Variants in L3MBTL2 observed in about 807,000 individuals in gnomAD.
L3MBTL2 encodes lethal(3)malignant brain tumor-like protein 2.
Under a neutral mutation model 86.4 loss-of-function variants are expected in L3MBTL2, and 49 were observed. The observed-to-expected ratio is 0.57, with a 90% CI of 0.45 to 0.72. The LOEUF (loss-of-function observed/expected upper bound fraction) is 0.72, where lower values mean the gene tolerates loss of function less well. Among genes scored for constraint, L3MBTL2 ranks in the 30% least tolerant of loss-of-function variants. The pLI is 0.00. For missense variants in L3MBTL2, 755 were observed against 923.7 expected (o/e 0.82, Z 2.37); for synonymous variants, 336 against 350.6 (o/e 0.96, Z 0.47).
At chr22:41,228,014 T>C in intron 15 of L3MBTL2, 145 bp downstream of exon 15, 6 of 1,427,428 alleles carry the variant, frequency 4.2e-6, no homozygotes, top group Non-Finnish European at 5.5e-6. Flanking sequence ...TCCTGTCCTG[T>C]CTCTTTCCCC....
chr22:41,224,752 C>T lies in L3MBTL2; in HGVS notation c.1202C>T (p.Pro401Leu). The change falls in exon 10 of 17, where the codon CCC becomes CTC. Residue 401 changes from proline (P) to leucine (L), a missense_variant. This residue lies in a region of L3MBTL2 where 634 missense variants were observed against 748.9 expected (regional missense o/e 0.85). Transcript: ENST00000216237. The surrounding 1 kb of genome is among the most constrained non-coding windows in gnomAD (Gnocchi z 4.9). ...SERRSDMAHH[P>L]TFRKIYCDAV... ...AGGCGAAGTGACATGGCCCATCACC[C>T]CACCTTCCGGAAGATCTACTGTGAT... 2 of 1,613,964 alleles carry T rather than the reference C, an allele frequency of 1.2e-6. No homozygotes were observed. Among genetic ancestry groups the T allele is most frequent in the Non-Finnish European group, 1.7e-6 (2 of 1,179,826 alleles).
At chr22:41,206,414 T>G (rs2030215063) in intron 1 of L3MBTL2, among the ~76,000 whole-genome samples, 1 of 152,174 alleles carries the variant, frequency 6.6e-6, no homozygotes, top group African/African-American at 2.4e-5. Context: ...CTCTAACTCT[T>G]GGGCTCAAGC....
intron 2 of L3MBTL2, among the ~76,000 whole-genome samples, chr22:41,213,457 CT>C (rs139449): frequency 0.52 from 66,549 of 126,866 alleles, 16,225 homozygotes; most frequent in East Asian, 0.72. Flanking sequence ...CACACCTGGC[CT>C]TTTTTTTTTT....
At chr22:41,213,061 C>A (rs1202467797) in intron 2 of L3MBTL2, among the ~76,000 whole-genome samples, 1 of 150,718 alleles carries the variant, frequency 6.6e-6, no homozygotes. Flanking sequence ...ACTAAAAACA[C>A]AAAAAAATTA....
At chr22:41,209,612 C>A in intron 1 of L3MBTL2, 84 bp from the exon 2 acceptor site, 1 of 1,174,588 alleles carries the variant, frequency 8.5e-7, no homozygotes. Context: ...TGTGAGGGGG[C>A]TGATAGCAGA....
chr22:41,226,146 A>G (rs899634304), intron 12 of L3MBTL2, among the ~76,000 whole-genome samples: 2 of 152,202 alleles, frequency 1.3e-5, no homozygotes, highest in Non-Finnish European at 2.9e-5. Context: ...GCATGGTGAC[A>G]GGTGCCTATA....
chr22:41,230,445 T>A lies in L3MBTL2; in HGVS notation c.*194T>A, dbSNP rs1340590344. 1.0e-5 allele frequency: 6 copies of A among 581,998 alleles called. No homozygotes were observed. The highest frequency in any genetic ancestry group is 3.8e-5 in the African/African-American group (2 of 53,002). The allele number at this position is 581,998 out of a possible 1,614,324, so 36.1% of individuals were successfully genotyped here. Reference sequence around the variant, plus strand: ...CCCGCCTGTTGCTTCTGCCCTCCCCTGTGGAAAGGTCTATATGACGGGCCG... The same window carrying A: ...CCCGCCTGTTGCTTCTGCCCTCCCCAGTGGAAAGGTCTATATGACGGGCCG... On this transcript the variant is annotated 3_prime_UTR_variant, in exon 17 of 17. Transcript: ENST00000216237.
chr22:41,221,369 T>A, intron 8 of L3MBTL2, 82 bp downstream of exon 8: 1 of 1,171,568 alleles, frequency 8.5e-7, no homozygotes, highest in Non-Finnish European at 1.2e-6. Flanking sequence ...CTGGAGCATG[T>A]TACCTAAGAC....
intron 7 of L3MBTL2, 55 bp from the exon 8 acceptor site, chr22:41,221,143 CT>C (rs1027010831): frequency 7.2e-7 from 1 of 1,389,648 alleles, no homozygotes; most frequent in African/African-American, 2.6e-5. Context: ...GCTAGCGCCC[CT>C]GTCAGTGGAG....
rs1483625782 is a variant in L3MBTL2 at position 41,225,808 on chromosome 22, A to G, written c.1371A>G (p.Gly457=). The G allele has an allele frequency of 6.2e-7, 1 of 1,612,152 alleles. No individual in the cohort carries two copies. Among genetic ancestry groups the G allele is most frequent in the Non-Finnish European group, 8.5e-7 (1 of 1,178,564 alleles). The change falls in exon 12 of 17, where the codon GGA becomes GGG. Residue 457 remains glycine (G), a synonymous_variant. Transcript: ENST00000216237. The surrounding 1 kb of genome is among the most constrained non-coding windows in gnomAD (Gnocchi z 4.1). ...VATVCKVLLD[G]YLMICVDGGP... ...CCACCCCCCAGGTTCTCCTGGATGG[A>G]TACCTGATGATCTGTGTGGACGGGG... is the stretch of plus-strand genomic sequence containing the variant.
At chr22:41,209,502 GTCTTGTTAA>G in intron 1 of L3MBTL2, 185 bp from the exon 2 acceptor site, 1 of 579,278 alleles carries the variant, frequency 1.7e-6, no homozygotes, top group Non-Finnish European at 3.1e-6. Flanking sequence ...CATATTTTCT[GTCTTGTTAA>G]GCTGTTGAAT....
intron 2 of L3MBTL2, 155 bp from the exon 3 acceptor site, chr22:41,213,737 CA>C (rs2031111525): frequency 2.5e-6 from 2 of 789,012 alleles, no homozygotes; most frequent in Non-Finnish European, 4.2e-6. Flanking sequence ...AGGATATACA[CA>C]CCAGTACCTC....
chr22:41,219,464 G>A lies in L3MBTL2; in HGVS notation c.646G>A (p.Val216Met), dbSNP rs1347565049. ...GGAGGATGTGATGAAAGGGATGAAGGTGGAGGTGCTCAACAGTGATGCTGT... is the reference window on the plus strand; with the variant it reads ...GGAGGATGTGATGAAAGGGATGAAGATGGAGGTGCTCAACAGTGATGCTGT... ...QWEDVMKGMK[V>M]EVLNSDAVLP... Residue 216 changes from valine (V) to methionine (M), a missense_variant, in exon 6 of 17, where the codon GTG (valine) becomes ATG (methionine). Coordinates refer to ENST00000216237, the MANE Select transcript of L3MBTL2 (RefSeq NM_031488.5). 2.5e-6 allele frequency: 4 copies of A among 1,614,004 alleles called. No individual in the cohort carries two copies. Among genetic ancestry groups the A allele is most frequent in the African/African-American group, 1.3e-5 (1 of 75,042 alleles).
At chr22:41,210,580 C>T (rs1374716787) in intron 2 of L3MBTL2, among the ~76,000 whole-genome samples, 2 of 152,214 alleles carry the variant, frequency 1.3e-5, no homozygotes, top group East Asian at 1.9e-4. Context: ...CCACCCGCCT[C>T]GGCCTCCCAA....
At chr22:41,220,425 C>T (rs1038398901) in intron 6 of L3MBTL2, among the ~76,000 whole-genome samples, 3 of 152,098 alleles carry the variant, frequency 2.0e-5, no homozygotes, top group South Asian at 4.2e-4. Context: ...CGGTGGCTCA[C>T]GCCTGTAATC....
At position 41,219,882 on chromosome 22, in the gene L3MBTL2, C is replaced by T. The variant is rs554174903; in HGVS notation, c.718+346C>T. 1.1e-4 allele frequency among the ~76,000 whole-genome samples: 16 copies of T among 152,330 alleles called. No homozygotes were observed. The South Asian group carries it at 3.3e-3, about 32-fold the overall frequency. ...TCAGCCTCCCGAATAGCTGGGACTA[C>T]AGGCCACCTGGCCACCACACACGGC... On this transcript the variant is annotated intron_variant, in intron 6 of 16. Transcript: ENST00000216237.
chr22:41,226,005 G>A (rs1360261148), intron 12 of L3MBTL2, 64 bp downstream of exon 12: 131 of 1,545,342 alleles, frequency 8.5e-5, no homozygotes, highest in Middle Eastern at 3.4e-4. Flanking sequence ...GTCCAGGCGC[G>A]GTGGCTCCCG....
chr22:41,219,396 G>A (rs1013732825), intron 5 of L3MBTL2, 23 bp from the exon 6 acceptor site: 14 of 1,557,892 alleles, frequency 9.0e-6, no homozygotes, highest in South Asian at 1.1e-5. Context: ...TCACTCTCTC[G>A]GTACACTCTC....
At position 41,224,601 on chromosome 22, in the gene L3MBTL2, A is replaced by C. The variant is rs547159127; in HGVS notation, c.1175-124A>C. 10 of 711,202 alleles carry C rather than the reference A, an allele frequency of 1.4e-5. No homozygotes were observed. In the African/African-American group the frequency reaches 1.8e-4, roughly 13 times the overall value. 44.1% of individuals were successfully genotyped at this position (711,202 alleles called of 1,614,324 possible). A position where few individuals can be genotyped will look rare whatever the true frequency, so the allele number is the denominator to read the frequency against. On this transcript the variant is annotated intron_variant, in intron 9 of 16. Transcript: ENST00000216237. The surrounding 1 kb of genome is among the most constrained non-coding windows in gnomAD (Gnocchi z 4.9). ...ACTCTGGGGTGGGGGGTCCTGAGAT[A>C]CAGAGATACAGCTGAGAACACGTGC...
Sources: gnomAD v4.1 joint callset for allele counts (sites outside exome capture counted in the v4.1 genomes callset) on GRCh38, gnomAD v4.1.1 for gene constraint, gnomAD v4.1.1 regional missense constraint, Gnocchi (gnomAD v3.1) non-coding constraint, MANE v1.5 for transcripts, NCBI Gene and HGNC (gene_info 2026-07-23, HGNC 2026-07-21) for gene names.